Variants in GLB1 observed in about 807,000 individuals in gnomAD.
The protein encoded by GLB1 is galactosidase beta 1.
Under a neutral mutation model 74.0 loss-of-function variants are expected in GLB1, and 56 were observed. The ratio of observed to expected loss-of-function variants is 0.76; its 90% CI spans 0.61 to 0.94. The LOEUF (loss-of-function observed/expected upper bound fraction) is 0.94, where lower values mean the gene tolerates loss of function less well. Among genes scored for constraint, GLB1 ranks in the 40% least tolerant of loss-of-function variants. The probability of loss-of-function intolerance (pLI) is 0.00; values close to 1 mark genes in which losing one functional copy is unlikely to be tolerated. For synonymous variants in GLB1, 323 were observed against 323.6 expected (o/e 1.00, Z 0.02); for missense variants, 787 against 845.5 (o/e 0.93, Z 0.86).
In GLB1 at chr3:33,016,775, G is replaced by A. The variant is rs761126107; in HGVS notation, c.1413C>T (p.Ala471=). The change falls in exon 14 of 16, where the codon GCC becomes GCT. Residue 471 remains alanine, a synonymous_variant. Coordinates refer to ENST00000307363, the MANE Select transcript of GLB1 (RefSeq NM_000404.4). ...ITLNITGKAG[A]TLDLLVENMG... ...TGTTCTCTACCAGAAGGTCCAGAGT[G>A]GCTCCAGCTTTCCCTGTTATGTTCA... 1 of 1,614,134 alleles carries A rather than the reference G, an allele frequency of 6.2e-7. No homozygotes were observed. The highest frequency in any genetic ancestry group is 1.7e-5 in the Admixed American group (1 of 60,006).
intron 10 of GLB1, among the ~76,000 whole-genome samples, chr3:33,029,714 T>TA (rs1450393840): frequency 2.2e-4 from 34 of 152,184 alleles, no homozygotes; most frequent in South Asian, 6.2e-4. Flanking sequence ...GAAAACCAAA[T>TA]ACTGCACATT....
At chr3:33,049,873 T>C (rs563881839) in intron 9 of GLB1, among the ~76,000 whole-genome samples, 95 of 152,300 alleles carry the variant, frequency 6.2e-4, no homozygotes, top group African/African-American at 2.1e-3. Context: ...CTAATAGTAT[T>C]AAAATTGATA....
chr3:32,974,588 G>A, the GLB1 span, among the ~76,000 whole-genome samples: 1 of 152,158 alleles, frequency 6.6e-6, no homozygotes, highest in Non-Finnish European at 1.5e-5. Flanking sequence ...CCAAGCTGGA[G>A]ATCCAGGAGA....
Position 33,021,549 on chromosome 3 carries a change from T to A in GLB1, c.1233+17A>T. The A allele has an allele frequency of 6.2e-7, 1 of 1,612,444 alleles. No individual in the cohort carries two copies. ...TGCAAGTAGAAAAAAGGCGAGGCAT[T>A]ACCTTTGAAGGCCTACCTGTTTCAC... On this transcript the variant is annotated intron_variant, in intron 12 of 15. Coordinates refer to ENST00000307363, the MANE Select transcript of GLB1 (RefSeq NM_000404.4).
At position 33,019,123 on chromosome 3, in the gene GLB1, T is replaced by C. The variant is rs551983492; in HGVS notation, c.1234-562A>G. ...GAGTTTGAGGCTAGTCCGGGCAACATAGCAAGACCTCATCTCTAATAATAA... is the reference window on the plus strand; with the variant it reads ...GAGTTTGAGGCTAGTCCGGGCAACACAGCAAGACCTCATCTCTAATAATAA... On this transcript the variant is annotated intron_variant, in intron 12 of 15. Coordinates refer to ENST00000307363, the MANE Select transcript of GLB1 (RefSeq NM_000404.4). Among the ~76,000 whole-genome samples the C allele has an allele frequency of 7.9e-5, 12 of 151,972 alleles. No individual in the cohort carries two copies. In the South Asian group the frequency reaches 2.5e-3, roughly 32 times the overall value.
At chr3:32,967,861 C>T in the GLB1 span, among the ~76,000 whole-genome samples, 1 of 152,190 alleles carries the variant, frequency 6.6e-6, no homozygotes, top group African/African-American at 2.4e-5. Context: ...CGGAACGGAA[C>T]TGGGGGTGGG....
At chr3:33,000,372 T>C (rs955955359) in intron 15 of GLB1, among the ~76,000 whole-genome samples, 1 of 152,152 alleles carries the variant, frequency 6.6e-6, no homozygotes, top group Non-Finnish European at 1.5e-5. Flanking sequence ...GGAATTGAAT[T>C]TTCACATTTA....
At chr3:32,991,443 T>C in the GLB1 span, among the ~76,000 whole-genome samples, 1 of 152,194 alleles carries the variant, frequency 6.6e-6, no homozygotes, top group Non-Finnish European at 1.5e-5. Flanking sequence ...GATGATTTCT[T>C]AAAAATGGCC....
chr3:32,985,903 G>C, the GLB1 span, among the ~76,000 whole-genome samples: 3 of 152,154 alleles, frequency 2.0e-5, no homozygotes, highest in South Asian at 6.3e-4. Context: ...TTAGAGACAG[G>C]GTTTCCCCAT....
intron 10 of GLB1, among the ~76,000 whole-genome samples, chr3:33,024,929 G>A (rs1387187376): frequency 6.6e-6 from 1 of 151,272 alleles, no homozygotes; most frequent in African/African-American, 2.4e-5. Flanking sequence ...AAGTCCGGGT[G>A]GAGAATATAC....
intron 15 of GLB1, among the ~76,000 whole-genome samples, chr3:33,006,154 T>C (rs905067901): frequency 6.6e-6 from 1 of 152,154 alleles, no homozygotes; most frequent in Non-Finnish European, 1.5e-5. Context: ...CATTTCAGGT[T>C]TGGCATATAG....
chr3:33,092,832 G>A (rs754255022), intron 1 of GLB1: 1 of 1,594,966 alleles, frequency 6.3e-7, no homozygotes, highest in Non-Finnish European at 8.6e-7. Flanking sequence ...GGCAGGGCCA[G>A]TTCAGGGAGA....
chr3:33,053,698 C>T, intron 6 of GLB1, 149 bp from the exon 7 acceptor site: 1 of 1,062,660 alleles, frequency 9.4e-7, no homozygotes. Flanking sequence ...AACTTAACAC[C>T]CAAGATGATA....
chr3:32,970,390 A>G, the GLB1 span, among the ~76,000 whole-genome samples: 2 of 152,130 alleles, frequency 1.3e-5, no homozygotes, highest in African/African-American at 2.4e-5. Context: ...ACCCCCCATT[A>G]TAAGTCAGAT....
In GLB1 at chr3:33,089,141, G is replaced by A. The variant is rs192948942; in HGVS notation, c.75+7870C>T. Among the ~76,000 whole-genome samples, 562 of 152,216 alleles carry A rather than the reference G, an allele frequency of 3.7e-3. 4 individuals carry two copies. The highest frequency in any genetic ancestry group is 0.012 in the African/African-American group (512 of 41,528). Reference sequence around the variant, plus strand: ...ATACACAAAAATTAATTCAATATGGGTTAAAGACCTAAACGTAAGACCCAA... The same window carrying A: ...ATACACAAAAATTAATTCAATATGGATTAAAGACCTAAACGTAAGACCCAA... On this transcript the variant is annotated intron_variant, in intron 1 of 15. Transcript: ENST00000307363.
intron 1 of GLB1, among the ~76,000 whole-genome samples, chr3:33,094,818 T>C (rs997325451): frequency 1.3e-5 from 2 of 152,244 alleles, no homozygotes; most frequent in African/African-American, 4.8e-5. Flanking sequence ...ACAGTGCAAC[T>C]CTTCACCCTA....
the GLB1 span, among the ~76,000 whole-genome samples, chr3:32,984,533 G>A: frequency 1.3e-5 from 2 of 152,134 alleles, no homozygotes; most frequent in East Asian, 1.9e-4. Context: ...ATACCAGCAC[G>A]TTGTGGGGCT....
At chr3:32,972,837 G>A in the GLB1 span, among the ~76,000 whole-genome samples, 12 of 152,192 alleles carry the variant, frequency 7.9e-5, no homozygotes, top group African/African-American at 2.7e-4. Flanking sequence ...GAAAGAGAAA[G>A]AGCTGGAGTC....
At chr3:33,096,976 C>G in intron 1 of GLB1, 35 bp downstream of exon 1, 1 of 1,607,480 alleles carries the variant, frequency 6.2e-7, no homozygotes, top group Admixed American at 1.7e-5. Flanking sequence ...TGTCCCCTAG[C>G]AATGCCTCCC....
Sources: gnomAD v4.1 joint callset for allele counts (sites outside exome capture counted in the v4.1 genomes callset) on GRCh38, gnomAD v4.1.1 for gene constraint, MANE v1.5 for transcripts, NCBI Gene and HGNC (gene_info 2026-07-23, HGNC 2026-07-21) for gene names.